The following RYR2 variants were observed in gnomAD, a reference collection of about 807,000 sequenced individuals.
The protein encoded by RYR2 is cardiac muscle ryanodine receptor-calcium release channel.
A neutral mutation model predicts 601.1 loss-of-function variants in RYR2; 227 were observed. The ratio of observed to expected loss-of-function variants is 0.38; its 90% CI spans 0.34 to 0.42. The LOEUF (loss-of-function observed/expected upper bound fraction) is 0.42, where lower values mean the gene tolerates loss of function less well. RYR2 is among the 10% of genes least tolerant of loss of function. RYR2 has a pLI of 1.00. For missense variants in RYR2, 4,646 were observed against 6,156.5 expected (o/e 0.75, Z 8.21); for synonymous variants, 2,223 against 2,175.1 (o/e 1.02, Z -0.61).
rs1443188346 is a variant in RYR2 at position 237,117,746 on chromosome 1, T to TCTTCTCTTCTCTTCC, written c.48+75189_48+75190insTCCCTTCTCTTCTCT. Reference sequence around the variant, plus strand: ...TCTTCTCTTCTCTTCTCTTCTCTTCTCTTCTCTTCTCTGTTCTGAGACAGA... The same window carrying TCTTCTCTTCTCTTCC: ...TCTTCTCTTCTCTTCTCTTCTCTTCTCTTCTCTTCTCTTCCCTTCTCTTCTCTGTTCTGAGACAGA... On this transcript the variant is annotated intron_variant, in intron 1 of 104. Coordinates refer to ENST00000366574, the MANE Select transcript of RYR2 (RefSeq NM_001035.3). Among the ~76,000 whole-genome samples the TCTTCTCTTCTCTTCC allele has an allele frequency of 2.9e-5, 4 of 137,170 alleles. No individual in the cohort carries two copies. The East Asian group carries it at 6.3e-4, about 22-fold the overall frequency. 90.0% of individuals were successfully genotyped at this position (137,170 alleles called of 152,430 possible). A position where few individuals can be genotyped will look rare whatever the true frequency, so the allele number is the denominator to read the frequency against.
At chr1:237,297,797 C>A (rs1692936907) in intron 2 of RYR2, among the ~76,000 whole-genome samples, 1 of 151,776 alleles carries the variant, frequency 6.6e-6, no homozygotes, top group Non-Finnish European at 1.5e-5. Flanking sequence ...TTTCCCCAGG[C>A]AAGAATGCAG....
intron 1 of RYR2, among the ~76,000 whole-genome samples, chr1:237,138,039 T>C (rs1672973707): frequency 6.6e-6 from 1 of 152,114 alleles, no homozygotes; most frequent in African/African-American, 2.4e-5. Flanking sequence ...TTTTATTTTA[T>C]TTTATTTTTT....
chr1:237,657,465 G>A (rs1296975071), intron 53 of RYR2, among the ~76,000 whole-genome samples: 1 of 151,688 alleles, frequency 6.6e-6, no homozygotes, highest in African/African-American at 2.4e-5. Context: ...AACACAAAAG[G>A]AGTCAAGATT....
chr1:237,700,115 G>C, intron 64 of RYR2, 114 bp from the exon 65 acceptor site: 1 of 681,894 alleles, frequency 1.5e-6, no homozygotes, highest in Non-Finnish European at 2.5e-6. Context: ...TTTAAAAGTT[G>C]GTTACCAGGT....
intron 78 of RYR2, among the ~76,000 whole-genome samples, chr1:237,732,717 T>C (rs936551152): frequency 2.0e-5 from 3 of 152,310 alleles, no homozygotes; most frequent in Admixed American, 6.5e-5. Context: ...AGAAATGCAC[T>C]GGTAGGCCTG....
intron 2 of RYR2, among the ~76,000 whole-genome samples, chr1:237,300,020 T>C (rs1478052522): frequency 1.3e-5 from 2 of 152,200 alleles, no homozygotes; most frequent in Non-Finnish European, 2.9e-5. Context: ...ATCCTTACCA[T>C]GGAGCAGATG....
intron 1 of RYR2, among the ~76,000 whole-genome samples, chr1:237,171,986 C>T (rs1448614005): frequency 1.3e-5 from 2 of 152,272 alleles, no homozygotes; most frequent in Admixed American, 1.3e-4. Flanking sequence ...CCTTAACATC[C>T]GTGTCTGCTA....
chr1:237,340,342 T>C (rs1697656407), intron 3 of RYR2, among the ~76,000 whole-genome samples: 1 of 152,180 alleles, frequency 6.6e-6, no homozygotes, highest in Admixed American at 6.5e-5. Context: ...GGGGGACAGG[T>C]ATGAATAACA....
At chr1:237,678,605 T>C (rs1685602781) in intron 61 of RYR2, among the ~76,000 whole-genome samples, 1 of 152,194 alleles carries the variant, frequency 6.6e-6, no homozygotes, top group African/African-American at 2.4e-5. Context: ...CCCATTGGTA[T>C]TATTTATTTT....
chr1:237,433,036 G>T (rs531231722), intron 12 of RYR2, among the ~76,000 whole-genome samples: 28 of 146,106 alleles, frequency 1.9e-4, no homozygotes, highest in Admixed American at 3.3e-4. Context: ...ACTGTGTGTG[G>T]GGGGGGGTAT....
In RYR2 at chr1:237,064,382, A is replaced by G. The variant is rs550947992; in HGVS notation, c.48+21813A>G. On this transcript the variant is annotated intron_variant, in intron 1 of 104. Transcript: ENST00000366574. The stretch of plus-strand genomic sequence containing the variant: ...TTCTGTTGTAACATTCTTCCTCTTC[A>G]TCTATTTTCAAATATATTTATTATT... 1.2e-4 allele frequency among the ~76,000 whole-genome samples: 18 copies of G among 152,198 alleles called. No homozygotes were observed. The South Asian group carries it at 1.9e-3, about 16-fold the overall frequency.
chr1:237,489,560 G>C (rs1367740696), intron 17 of RYR2, among the ~76,000 whole-genome samples: 1 of 152,212 alleles, frequency 6.6e-6, no homozygotes, highest in Non-Finnish European at 1.5e-5. Flanking sequence ...CAGAGGCTGA[G>C]GCAGGAGAGT....
rs1319041428 is a variant in RYR2 at position 237,833,347 on chromosome 1, A to G, written c.*700A>G. On this transcript the variant is annotated 3_prime_UTR_variant, in exon 105 of 105. Coordinates refer to ENST00000366574, the MANE Select transcript of RYR2 (RefSeq NM_001035.3). ...GCTCTTCTCATTCAGCTAAATTCAC[A>G]TTTGCCCCCCCCCCCCGCCCCCGCC... is the stretch of plus-strand genomic sequence containing the variant. The G allele has an allele frequency of 6.6e-5, 8 of 122,118 alleles. No individual in the cohort carries two copies. Among genetic ancestry groups the G allele is most frequent in the Non-Finnish European group, 1.2e-4 (7 of 60,622 alleles). 7.6% of individuals were successfully genotyped at this position (122,118 alleles called of 1,614,324 possible). A position where few individuals can be genotyped will look rare whatever the true frequency, so the allele number is the denominator to read the frequency against.
At chr1:237,559,706 G>A (rs1671265808) in intron 27 of RYR2, among the ~76,000 whole-genome samples, 1 of 152,200 alleles carries the variant, frequency 6.6e-6, no homozygotes, top group African/African-American at 2.4e-5. Flanking sequence ...GGGACATACT[G>A]TCTTGTCTTT....
chr1:237,530,298 G>A (rs1004084180), intron 24 of RYR2, 129 bp from the exon 25 acceptor site: 32 of 618,458 alleles, frequency 5.2e-5, no homozygotes, highest in South Asian at 2.7e-4. Context: ...GCGACAGAGC[G>A]AGACTCCGTC....
In RYR2 at chr1:237,310,219, T is replaced by A. The variant is rs191575249; in HGVS notation, c.169-20659T>A. On this transcript the variant is annotated intron_variant, in intron 2 of 104. Transcript: ENST00000366574. ...ATCATTATTGTGCTATTTAGGAGAA[T>A]GGATGACTACTGTAGGTATTATACT... 8.3e-3 allele frequency among the ~76,000 whole-genome samples: 1,269 copies of A among 152,294 alleles called. 14 individuals are homozygous for A. The highest frequency in any genetic ancestry group is 0.013 in the Admixed American group (195 of 15,304).
chr1:237,096,575 A>AG (rs1667528609), intron 1 of RYR2, among the ~76,000 whole-genome samples: 1 of 152,192 alleles, frequency 6.6e-6, no homozygotes. Flanking sequence ...ATATTTGGCA[A>AG]GGGAATATAC....
intron 48 of RYR2, among the ~76,000 whole-genome samples, chr1:237,647,284 C>T (rs940202056): frequency 1.3e-5 from 2 of 152,202 alleles, no homozygotes; most frequent in South Asian, 2.1e-4. Context: ...GGCTAGTTTT[C>T]GTCATTCATT....
chr1:237,497,101 G>A (rs1304781304), intron 20 of RYR2, among the ~76,000 whole-genome samples: 1 of 152,180 alleles, frequency 6.6e-6, no homozygotes, highest in African/African-American at 2.4e-5. Flanking sequence ...TGAGTTTTCT[G>A]CTTTAATTGG....
Sources: allele counts gnomAD v4.1 joint callset (sites outside exome capture counted in the v4.1 genomes callset), GRCh38; gene constraint gnomAD v4.1.1; transcripts MANE v1.5; gene names NCBI Gene and HGNC (gene_info 2026-07-23, HGNC 2026-07-21).